The following RHBDL3 variants were observed in gnomAD, a reference collection of about 807,000 sequenced individuals.
RHBDL3 encodes rhomboid-related protein 3.
Under a neutral mutation model 48.2 loss-of-function variants are expected in RHBDL3, and 28 were observed. The ratio of observed to expected loss-of-function variants is 0.58; its 90% CI spans 0.43 to 0.80. The LOEUF (loss-of-function observed/expected upper bound fraction) is 0.80. Ranked by LOEUF, RHBDL3 falls within the 30% of genes least tolerant of loss-of-function variation. The pLI, the probability that RHBDL3 is intolerant of heterozygous loss-of-function variation, is 0.00. For missense variants in RHBDL3, 464 were observed against 542.7 expected (o/e 0.85, Z 1.44); for synonymous variants, 208 against 232.3 (o/e 0.90, Z 0.95).
intron 7 of RHBDL3, among the ~76,000 whole-genome samples, chr17:32,307,203 T>G (rs750217281): frequency 3.9e-5 from 6 of 152,142 alleles, no homozygotes; most frequent in Non-Finnish European, 8.8e-5. Context: ...CCTCCGGGTC[T>G]TACTTGTCTA....
intron 6 of RHBDL3, among the ~76,000 whole-genome samples, chr17:32,301,040 C>T (rs917390517): frequency 2.6e-5 from 4 of 152,078 alleles, no homozygotes; most frequent in African/African-American, 4.8e-5. Context: ...CCACCGCGCC[C>T]GGCTAATTTT....
At position 32,278,060 on chromosome 17, in the gene RHBDL3, G is replaced by A. The variant is rs1187027806; in HGVS notation, c.136-6599G>A. On this transcript the variant is annotated intron_variant, in intron 2 of 8. Coordinates refer to ENST00000269051, the MANE Select transcript of RHBDL3 (RefSeq NM_138328.3). ...CACCTGTAATCCCAGCACTTTGGGA[G>A]GCTGAGGCAGGCAGATCACTTGAGG... 2.0e-5 allele frequency among the ~76,000 whole-genome samples: 3 copies of A among 152,188 alleles called. No homozygotes were observed. The East Asian group carries it at 5.8e-4, about 29-fold the overall frequency.
At chr17:32,276,139 T>A (rs371811740) in intron 2 of RHBDL3, among the ~76,000 whole-genome samples, 6 of 151,388 alleles carry the variant, frequency 4.0e-5, no homozygotes, top group African/African-American at 1.2e-4. Context: ...ACAAAACAAA[T>A]GTGAAAGTCA....
At chr17:32,268,225 C>T (rs1567758591) in intron 2 of RHBDL3, among the ~76,000 whole-genome samples, 1 of 152,100 alleles carries the variant, frequency 6.6e-6, no homozygotes, top group African/African-American at 2.4e-5. Context: ...CTCCATATGC[C>T]AGGGGATTGC....
chr17:32,290,891 C>T (rs2040308940), intron 4 of RHBDL3, among the ~76,000 whole-genome samples: 1 of 149,610 alleles, frequency 6.7e-6, no homozygotes, highest in Admixed American at 6.7e-5. Flanking sequence ...GTCCTAGCTA[C>T]GTGGGAGGCT....
chr17:32,315,704 T>A (rs1468900420), intron 7 of RHBDL3, among the ~76,000 whole-genome samples: 6 of 151,824 alleles, frequency 4.0e-5, no homozygotes, highest in Admixed American at 6.6e-5. Context: ...ATCCATTGCA[T>A]CTTCTGCTTG....
In RHBDL3 at chr17:32,323,145, C is replaced by T. The variant is rs1271682462; in HGVS notation, c.*1916C>T. 2 of 152,422 alleles carry T rather than the reference C, an allele frequency of 1.3e-5. No individual in the cohort carries two copies. Among genetic ancestry groups the T allele is most frequent in the South Asian group, 2.1e-4 (1 of 4,836 alleles). The allele number at this position is 152,422 out of a possible 1,614,324, so 9.4% of individuals were successfully genotyped here. A position where few individuals can be genotyped will look rare whatever the true frequency, so the allele number is the denominator to read the frequency against. On this transcript the variant is annotated 3_prime_UTR_variant, in exon 9 of 9. Transcript: ENST00000269051. ...CCACTGCTAAATAGATTGCCCTGGC[C>T]TCATCCACATATGTAGTTCCCTAGG...
rs145659720 is a variant in RHBDL3, at chr17:32,298,155, G to A, written c.732G>A (p.Val244=). The change falls in exon 6 of 9, where the codon GTG becomes GTA. Residue 244 remains valine, a synonymous_variant. Coordinates refer to ENST00000269051, the MANE Select transcript of RHBDL3 (RefSeq NM_138328.3). ...TGGTGGGGGTGCCCCTGGAGATGGT[G>A]CATGGAGCCACCCGAATTGGGCTTG... The part of the protein sequence containing the change: ...QLLVGVPLEM[V]HGATRIGLVY... 4.3e-6 allele frequency: 7 copies of A among 1,614,008 alleles called. No homozygotes were observed. Among genetic ancestry groups the A allele is most frequent in the Non-Finnish European group, 5.9e-6 (7 of 1,179,970 alleles).
Position 32,323,903 on chromosome 17 carries a change from G to C in RHBDL3, c.*2674G>C. 1 of 152,792 alleles carries C rather than the reference G, an allele frequency of 6.5e-6. No homozygotes were observed. Among genetic ancestry groups the C allele is most frequent in the Admixed American group, 6.5e-5 (1 of 15,304 alleles). The allele number at this position is 152,792 out of a possible 1,614,324, so 9.5% of individuals were successfully genotyped here. A position where few individuals can be genotyped will look rare whatever the true frequency, so the allele number is the denominator to read the frequency against. On this transcript the variant is annotated 3_prime_UTR_variant, in exon 9 of 9. Transcript: ENST00000269051. Reference sequence around the variant, plus strand: ...GTCAGGAGGCAGCTGTCTGGTCAGAGGGGTTCTCTTTGTGGCATCTGGCTT... The same window carrying C: ...GTCAGGAGGCAGCTGTCTGGTCAGACGGGTTCTCTTTGTGGCATCTGGCTT...
chr17:32,276,174 G>C (rs1261346303), intron 2 of RHBDL3, among the ~76,000 whole-genome samples: 2 of 152,050 alleles, frequency 1.3e-5, no homozygotes, highest in African/African-American at 2.4e-5. Context: ...CAGGGGAAAA[G>C]GTCAGGGGAA....
intron 5 of RHBDL3, among the ~76,000 whole-genome samples, chr17:32,297,261 A>G (rs979543450): frequency 2.0e-5 from 3 of 150,396 alleles, no homozygotes; most frequent in Admixed American, 6.6e-5. Flanking sequence ...TGAGGTCAGG[A>G]GTTCGAGACC....
intron 7 of RHBDL3, among the ~76,000 whole-genome samples, chr17:32,309,281 G>A (rs566337024): frequency 6.0e-5 from 9 of 149,946 alleles, no homozygotes; most frequent in Non-Finnish European, 1.0e-4. Context: ...GGCTGGGCGC[G>A]GTGGCTCACG....
At chr17:32,266,321 CG>C in intron 1 of RHBDL3, 21 bp downstream of exon 1, 1 of 1,338,642 alleles carries the variant, frequency 7.5e-7, no homozygotes, top group Non-Finnish European at 9.9e-7. Flanking sequence ...CCTCCCCGCC[CG>C]GCAAACTTTC....
chr17:32,301,405 C>CAA (rs796579866), intron 6 of RHBDL3, among the ~76,000 whole-genome samples: 70 of 121,550 alleles, frequency 5.8e-4, no homozygotes, highest in African/African-American at 2.0e-3. Flanking sequence ...CCATCTCTAC[C>CAA]AAAAAAAAAA....
chr17:32,268,322 G>C (rs997074307), intron 2 of RHBDL3, among the ~76,000 whole-genome samples: 1 of 152,170 alleles, frequency 6.6e-6, no homozygotes, highest in African/African-American at 2.4e-5. Flanking sequence ...CATGGCCACC[G>C]CTGAAGTCAA....
At chr17:32,316,351 G>A in intron 8 of RHBDL3, 59 bp downstream of exon 8, 2 of 1,296,448 alleles carry the variant, frequency 1.5e-6, no homozygotes, top group Admixed American at 3.4e-5. Context: ...GAGGTTCAAA[G>A]ATGGCACAGT....
intron 2 of RHBDL3, among the ~76,000 whole-genome samples, chr17:32,269,300 A>G (rs777841004): frequency 1.1e-4 from 16 of 152,222 alleles, no homozygotes; most frequent in Non-Finnish European, 1.5e-4. Context: ...GTGAGCCACG[A>G]TCGTGCTACT....
At chr17:32,305,235 T>C in intron 6 of RHBDL3, 106 bp from the exon 7 acceptor site, 1 of 763,016 alleles carries the variant, frequency 1.3e-6, no homozygotes, top group Non-Finnish European at 2.4e-6. Context: ...GTGGAGCGTC[T>C]TGCTCTGGAG....
Position 32,288,968 on chromosome 17 carries a change from C to T in RHBDL3, c.471C>T (p.Tyr157=), listed in dbSNP as rs530873768. 23 of 1,614,224 alleles carry T rather than the reference C, an allele frequency of 1.4e-5. No homozygotes were observed. The East Asian group carries it at 3.1e-4, about 22-fold the overall frequency. ...ACCGCAAGTGGTACTATGACAGCTA[C>T]ACCTGCTGCCCCCCACCCTGGTTCA... ...EIDRKWYYDS[Y]TCCPPPWFMI... Residue 157 remains tyrosine, a synonymous_variant, in exon 4 of 9, where the codon TAC becomes TAT. Transcript: ENST00000269051.
Sources: gnomAD v4.1 joint callset for allele counts (sites outside exome capture counted in the v4.1 genomes callset) on GRCh38, gnomAD v4.1.1 for gene constraint, MANE v1.5 for transcripts, NCBI Gene and HGNC (gene_info 2026-07-23, HGNC 2026-07-21) for gene names.